TBC1D4: variants seen among roughly 807,000 people sequenced by gnomAD.
TBC1D4 encodes TBC (Tre-2, BUB2, CDC16) domain-containing protein.
In TBC1D4, 121 loss-of-function variants were observed where a neutral mutation model predicts 142.5. The observed-to-expected ratio is 0.85, with a 90% CI of 0.73 to 0.99. The LOEUF is 0.99. Among genes scored for constraint, TBC1D4 ranks in the 50% least tolerant of loss-of-function variants. The pLI is 0.00. For missense variants in TBC1D4, 1,475 were observed against 1,606.6 expected, an observed-to-expected ratio of 0.92 and a Z score of 1.40; for synonymous variants, 630 against 628.2, an observed-to-expected ratio of 1.00 and a Z score of -0.04.
In TBC1D4 at chr13:75,326,461, G is replaced by T. The variant is rs751076500; in HGVS notation, c.1807-38C>A. 4 of 1,606,422 alleles carry T rather than the reference G, an allele frequency of 2.5e-6. No individual in the cohort carries two copies. The South Asian group carries it at 4.4e-5, about 18-fold the overall frequency. On this transcript the variant is annotated intron_variant, in intron 9 of 20. Coordinates refer to ENST00000377636, the MANE Select transcript of TBC1D4 (RefSeq NM_014832.5). ...CGGAAGGGAGCCCTTTATTTCCCAC[G>T]TGGGTCATGGCAGACCTGCCAAAAC...
At chr13:75,324,585 C>T (rs1400080154) in intron 10 of TBC1D4, among the ~76,000 whole-genome samples, 184 bp from the exon 11 acceptor site, 2 of 152,038 alleles carry the variant, frequency 1.3e-5, no homozygotes, top group East Asian at 3.8e-4. Flanking sequence ...TAACTATGAC[C>T]TAATTTCATT....
chr13:75,286,641 G>A lies in TBC1D4; in HGVS notation c.*151C>T. 6 of 762,414 alleles carry A rather than the reference G, an allele frequency of 7.9e-6. No individual in the cohort carries two copies. In the East Asian group the frequency reaches 8.0e-5, roughly 10 times the overall value. The allele number at this position is 762,414 out of a possible 1,614,324, so 47.2% of individuals were successfully genotyped here. ...GCTTAGGATTGGCATGCTCTGATGA[G>A]CACGAGGTCCACCTGCTGTGACTAG... On this transcript the variant is annotated 3_prime_UTR_variant, in exon 21 of 21. Transcript: ENST00000377636.
chr13:75,362,184 C>T lies in TBC1D4; in HGVS notation c.922G>A (p.Glu308Lys). 1 of 1,613,738 alleles carries T rather than the reference C, an allele frequency of 6.2e-7. No individual in the cohort carries two copies. The highest frequency in any genetic ancestry group is 1.1e-5 in the South Asian group (1 of 91,066). The change falls in exon 2 of 21, where the codon GAG becomes AAG. Residue 308 changes from glutamate to lysine, a missense_variant. Glu to Lys is a moderately conservative substitution (Grantham distance 56, BLOSUM62 1). Coordinates refer to ENST00000377636, the MANE Select transcript of TBC1D4 (RefSeq NM_014832.5). The surrounding 1 kb of genome is among the most constrained non-coding windows in gnomAD (Gnocchi z 4.2). ...ERILEDSGFD[E>K]QQEFRSRCSS... ...CACCGAGACCGAAACTCCTGCTGCT[C>T]ATCAAAGCCAGAATCTTCCAAAATC...
chr13:75,469,411 C>T (rs1305408305), intron 1 of TBC1D4, among the ~76,000 whole-genome samples: 1 of 151,874 alleles, frequency 6.6e-6, no homozygotes, highest in Non-Finnish European at 1.5e-5. Flanking sequence ...TATGATAGTC[C>T]CAGCAAAAGA....
chr13:75,288,854 T>C (rs1874959494), intron 20 of TBC1D4, 80 bp downstream of exon 20: 1 of 1,433,278 alleles, frequency 7.0e-7, no homozygotes, highest in Middle Eastern at 2.4e-4. Flanking sequence ...TCCACGCACA[T>C]ATCCCTTTCA....
chr13:75,289,038 G>A lies in TBC1D4; in HGVS notation c.3559C>T (p.Gln1187Ter). ...TCCTCACAGGAATATGAAGATTCCT[G>A]AAGCTCATCCTGTAGCACATGATAT... Reference protein sequence around the residue: ...VEYHVLQDELQESSYSCEDSE... With the variant: ...VEYHVLQDEL The change falls in exon 20 of 21, where the codon CAG (glutamine) becomes TAG (stop). Residue 1187 changes from glutamine to a stop codon, truncating the protein, a stop_gained. Transcript: ENST00000377636. LOFTEE classifies it high-confidence loss of function. 1.2e-6 allele frequency: 2 copies of A among 1,613,852 alleles called. No individual in the cohort carries two copies. Among genetic ancestry groups the A allele is most frequent in the Non-Finnish European group, 1.7e-6 (2 of 1,179,902 alleles).
At chr13:75,355,927 T>A (rs1882007424) in intron 4 of TBC1D4, among the ~76,000 whole-genome samples, 1 of 152,208 alleles carries the variant, frequency 6.6e-6, no homozygotes, top group African/African-American at 2.4e-5. Flanking sequence ...CATGACTGGG[T>A]TTATTAAACC....
chr13:75,331,292 G>A (rs531831685), intron 8 of TBC1D4, among the ~76,000 whole-genome samples: 5 of 151,988 alleles, frequency 3.3e-5, no homozygotes, highest in South Asian at 2.1e-4. Context: ...CCAGGAGTTC[G>A]AGACCAGCCT....
chr13:75,343,319 C>T (rs1043606354), intron 5 of TBC1D4, among the ~76,000 whole-genome samples: 3 of 152,196 alleles, frequency 2.0e-5, no homozygotes, highest in Non-Finnish European at 2.9e-5. Context: ...CATACTGCAG[C>T]CACACGGCCA....
intron 14 of TBC1D4, 141 bp downstream of exon 14, chr13:75,309,801 T>C (rs1877552482): frequency 1.3e-6 from 1 of 776,212 alleles, no homozygotes; most frequent in African/African-American, 1.7e-5. Context: ...AATCAACAAT[T>C]ATAATCAGTA....
At chr13:75,389,782 A>G (rs1566451633) in intron 1 of TBC1D4, among the ~76,000 whole-genome samples, 1 of 152,200 alleles carries the variant, frequency 6.6e-6, no homozygotes, top group Non-Finnish European at 1.5e-5. Context: ...ACACAGTACA[A>G]TATCAGGCAT....
Position 75,362,436 on chromosome 13 carries a change from C to T in TBC1D4, c.670G>A (p.Asp224Asn). The T allele has an allele frequency of 6.2e-7, 1 of 1,614,240 alleles. No homozygotes were observed. Among genetic ancestry groups the T allele is most frequent in the Non-Finnish European group, 8.5e-7 (1 of 1,180,052 alleles). ...HKKAPSSLID[D>N]CMEKFSLHEQ... is the part of the protein sequence containing the mutation. Reference sequence around the variant, plus strand: ...TGCAGGCTGAACTTCTCCATGCAGTCATCGATGAGGCTTGAGGGGGCCTTC... The same window carrying T: ...TGCAGGCTGAACTTCTCCATGCAGTTATCGATGAGGCTTGAGGGGGCCTTC... Residue 224 changes from aspartate to asparagine, a missense_variant, in exon 2 of 21, where the codon GAC becomes AAC. Asp to Asn is a conservative substitution (Grantham distance 23). This residue lies in a region of TBC1D4 where 1,227 missense variants were observed against 1,267.7 expected (regional missense o/e 0.97). Transcript: ENST00000377636. This position sits in a 1 kb window ranked among gnomAD's most constrained non-coding sequence, Gnocchi z 4.2.
At chr13:75,475,361 A>T (rs1240819256) in intron 1 of TBC1D4, among the ~76,000 whole-genome samples, 1 of 152,250 alleles carries the variant, frequency 6.6e-6, no homozygotes, top group Non-Finnish European at 1.5e-5. Context: ...GCTACATCCA[A>T]GTAACTGCAT....
At chr13:75,421,104 T>C (rs1010842509) in intron 1 of TBC1D4, among the ~76,000 whole-genome samples, 1 of 152,198 alleles carries the variant, frequency 6.6e-6, no homozygotes, top group Non-Finnish European at 1.5e-5. Context: ...AAAATCTACA[T>C]TTGCTTTCCT....
At chr13:75,290,002 C>A (rs1017029383) in intron 19 of TBC1D4, among the ~76,000 whole-genome samples, 18 of 152,104 alleles carry the variant, frequency 1.2e-4, no homozygotes, top group Non-Finnish European at 2.9e-5. Flanking sequence ...CCTCAAATAA[C>A]CATCATCTTT....
At chr13:75,356,062 T>C (rs1882018639) in intron 4 of TBC1D4, 85 bp downstream of exon 4, 10 of 992,994 alleles carry the variant, frequency 1.0e-5, no homozygotes, top group Non-Finnish European at 7.9e-6. Context: ...ATAGCCATAT[T>C]GCAAGGCTTG....
intron 1 of TBC1D4, among the ~76,000 whole-genome samples, chr13:75,374,202 T>C (rs924712312): frequency 6.6e-6 from 1 of 152,136 alleles, no homozygotes; most frequent in African/African-American, 2.4e-5. Context: ...TCTGAATGCA[T>C]GCCCTGTGGA....
At chr13:75,351,243 T>A (rs183696627) in intron 4 of TBC1D4, among the ~76,000 whole-genome samples, 1 of 152,292 alleles carries the variant, frequency 6.6e-6, no homozygotes, top group African/African-American at 2.4e-5. Context: ...CAAACTTACA[T>A]ATTTTATAGC....
chr13:75,342,198 AAAC>A (rs1404909430), intron 5 of TBC1D4, among the ~76,000 whole-genome samples: 7 of 152,206 alleles, frequency 4.6e-5, no homozygotes, highest in African/African-American at 7.2e-5. Flanking sequence ...CTCCATCTCA[AAAC>A]AACAACAACA....
Sources: gnomAD v4.1 joint callset for allele counts (sites outside exome capture counted in the v4.1 genomes callset) on GRCh38, gnomAD v4.1.1 for gene constraint, gnomAD v4.1.1 regional missense constraint, Gnocchi (gnomAD v3.1) non-coding constraint, MANE v1.5 for transcripts, NCBI Gene and HGNC (gene_info 2026-07-23, HGNC 2026-07-21) for gene names.